DOC2B: variants seen among roughly 807,000 people sequenced by gnomAD.
The protein encoded by DOC2B is double C2-like domain-containing protein beta.
Under a neutral mutation model 28.9 loss-of-function variants are expected in DOC2B, and 21 were observed. The ratio of observed to expected loss-of-function variants is 0.73; its 90% confidence interval spans 0.52 to 1.05. The LOEUF is 1.05. Among genes scored for constraint, DOC2B ranks in the 50% least tolerant of loss-of-function variants. The pLI is 0.00. For missense variants in DOC2B, 384 were observed against 421.1 expected, an observed-to-expected ratio of 0.91 and a Z score of 0.77; for synonymous variants, 194 against 178.1, an observed-to-expected ratio of 1.09 and a Z score of -0.71.
At chr17:154,047 G>A (rs539675289) in intron 6 of DOC2B, among the ~76,000 whole-genome samples, 27 of 152,280 alleles carry the variant, frequency 1.8e-4, no homozygotes, top group African/African-American at 5.1e-4. Context: ...ACACGTGGCC[G>A]TCTGTGTCTG....
chr17:176,574 T>C (rs1371567882), intron 1 of DOC2B, among the ~76,000 whole-genome samples: 1 of 152,068 alleles, frequency 6.6e-6, no homozygotes, highest in Non-Finnish European at 1.5e-5. Context: ...CTTAGGAGGA[T>C]GCAACTAAGA....
At chr17:165,365 C>G (rs533800464) in intron 2 of DOC2B, among the ~76,000 whole-genome samples, 1 of 151,932 alleles carries the variant, frequency 6.6e-6, no homozygotes, top group Admixed American at 6.5e-5. Context: ...GCCTGTGGTT[C>G]CAGCAACTAG....
rs1023879350 is a variant in DOC2B, at chr17:147,391, C to T, written c.*50G>A. 26 of 398,812 alleles carry T rather than the reference C, an allele frequency of 6.5e-5. No homozygotes were observed. Among genetic ancestry groups the T allele is most frequent in the South Asian group, 3.8e-4 (3 of 7,884 alleles). 24.7% of individuals were successfully genotyped at this position (398,812 alleles called of 1,614,324 possible). A position where few individuals can be genotyped will look rare whatever the true frequency, so the allele number is the denominator to read the frequency against. On this transcript the variant is annotated 3_prime_UTR_variant, in exon 9 of 9. Coordinates refer to ENST00000613549, the MANE Select transcript of DOC2B (RefSeq NM_003585.5). ...GGTGGCTGCTGGGGAAGCCCGGGGC[C>T]GGCCGTGCTGGGCGCAGGTGGCGGC...
chr17:163,049 T>G (rs1198658363), intron 3 of DOC2B, among the ~76,000 whole-genome samples: 1 of 152,166 alleles, frequency 6.6e-6, no homozygotes, highest in African/African-American at 2.4e-5. Context: ...GGTTCCCCAC[T>G]GTGGAAAGGG....
rs150709028 is a variant in DOC2B at position 154,617 on chromosome 17, G to C, written c.923+1603C>G. On this transcript the variant is annotated intron_variant, in intron 6 of 8. Transcript: ENST00000613549. ...GATGGACATGTTTTTCTTATCTCTTGGGTATATAACAAGGAGTGGAATTGC... is the reference window on the plus strand; with the variant it reads ...GATGGACATGTTTTTCTTATCTCTTCGGTATATAACAAGGAGTGGAATTGC... 9.3e-3 allele frequency among the ~76,000 whole-genome samples: 1,414 copies of C among 152,268 alleles called. 19 individuals are homozygous for C. Among genetic ancestry groups the C allele is most frequent in the African/African-American group, 0.032 (1,344 of 41,544 alleles).
chr17:181,165 C>T lies in DOC2B; in HGVS notation c.315G>A (p.Pro105=). 1 of 1,251,880 alleles carries T rather than the reference C, an allele frequency of 8.0e-7. No individual in the cohort carries two copies. The highest frequency in any genetic ancestry group is 1.0e-6 in the Non-Finnish European group (1 of 999,184). The allele number at this position is 1,251,880 out of a possible 1,614,324, so 77.5% of individuals were successfully genotyped here. Residue 105 remains proline, a synonymous_variant, in exon 1 of 9, where the codon CCG becomes CCA. Transcript: ENST00000613549. The surrounding 1 kb of genome is among the most constrained non-coding windows in gnomAD (Gnocchi z 7.0). ...GPSPGPSPAR[P]PAKPPEDEPD... is the part of the protein sequence containing the mutation. The stretch of plus-strand genomic sequence containing the variant: ...GCTCGTCCTCCGGCGGCTTGGCTGG[C>T]GGCCGCGCGGGGCTGGGACCCGGGC...
chr17:181,005 G>T lies in DOC2B; in HGVS notation c.373+102C>A. The T allele has an allele frequency of 9.9e-7, 1 of 1,013,002 alleles. No homozygotes were observed. Among genetic ancestry groups the T allele is most frequent in the Non-Finnish European group, 1.3e-6 (1 of 794,860 alleles). The allele number at this position is 1,013,002 out of a possible 1,614,324, so 62.8% of individuals were successfully genotyped here. A position where few individuals can be genotyped will look rare whatever the true frequency, so the allele number is the denominator to read the frequency against. ...GCGGGGTTGTGAACCGAGGCAGAGCGCGAGCGCGCGAGGGGGACCGGCGGA... is the reference window on the plus strand; with the variant it reads ...GCGGGGTTGTGAACCGAGGCAGAGCTCGAGCGCGCGAGGGGGACCGGCGGA... On this transcript the variant is annotated intron_variant, in intron 1 of 8. Transcript: ENST00000613549. This position sits in a 1 kb window ranked among gnomAD's most constrained non-coding sequence, Gnocchi z 7.0.
chr17:169,187 C>A (rs1455101950), intron 2 of DOC2B, among the ~76,000 whole-genome samples: 1 of 152,068 alleles, frequency 6.6e-6, no homozygotes, highest in Admixed American at 6.6e-5. Flanking sequence ...GGGGATGAAG[C>A]CTGAAGACAT....
At chr17:175,957 T>C (rs2040365199) in intron 1 of DOC2B, among the ~76,000 whole-genome samples, 1 of 152,230 alleles carries the variant, frequency 6.6e-6, no homozygotes, top group African/African-American at 2.4e-5. Flanking sequence ...TTCTTTGAAC[T>C]CCACTGGAAG....
chr17:163,952 T>C (rs953650183), intron 3 of DOC2B, among the ~76,000 whole-genome samples, 178 bp downstream of exon 3: 6 of 152,176 alleles, frequency 3.9e-5, no homozygotes, highest in African/African-American at 1.4e-4. Flanking sequence ...GGGTGCTCTG[T>C]GTGCAGTTGA....
chr17:153,879 C>T (rs1482235642), intron 6 of DOC2B, among the ~76,000 whole-genome samples: 4 of 151,998 alleles, frequency 2.6e-5, no homozygotes, highest in African/African-American at 9.7e-5. Flanking sequence ...TATAATAATT[C>T]CTCTAGTTCA....
intron 4 of DOC2B, 42 bp downstream of exon 4, chr17:162,033 GGGAGTA>G: frequency 7.6e-7 from 1 of 1,320,734 alleles, no homozygotes; most frequent in Non-Finnish European, 1.1e-6. Flanking sequence ...AAAGCCGGGT[GGGAGTA>G]GGGGTTGGGG....
Position 145,179 on chromosome 17 carries a change from C to G in DOC2B, c.*2262G>C, listed in dbSNP as rs1303509802. 1.3e-5 allele frequency: 2 copies of G among 152,192 alleles called. No individual in the cohort carries two copies. Among genetic ancestry groups the G allele is most frequent in the African/African-American group, 4.8e-5 (2 of 41,398 alleles). The allele number at this position is 152,192 out of a possible 1,614,324, so 9.4% of individuals were successfully genotyped here. ...GAAGTAGCACGGATGGTTTCAAAGC[C>G]AGCGGATGAGGTGGCAGGACAGTGA... On this transcript the variant is annotated 3_prime_UTR_variant, in exon 9 of 9. Transcript: ENST00000613549.
chr17:153,339 T>C (rs1555521998), intron 6 of DOC2B, among the ~76,000 whole-genome samples: 1 of 152,236 alleles, frequency 6.6e-6, no homozygotes, highest in African/African-American at 2.4e-5. Flanking sequence ...CTCTGCTTTC[T>C]GGGCAACCCA....
intron 5 of DOC2B, among the ~76,000 whole-genome samples, chr17:159,482 G>A (rs1359763939): frequency 6.6e-6 from 1 of 152,208 alleles, no homozygotes; most frequent in Non-Finnish European, 1.5e-5. Context: ...AAATTAACCA[G>A]GCGTGGCGGC....
chr17:150,644 T>G (rs1555521719), intron 6 of DOC2B, among the ~76,000 whole-genome samples: 3 of 152,236 alleles, frequency 2.0e-5, no homozygotes, highest in African/African-American at 7.2e-5. Context: ...ACTGGTTTAT[T>G]ACAGAAGCAC....
At chr17:177,028 A>ATTTT (rs5818738) in intron 1 of DOC2B, among the ~76,000 whole-genome samples, 1 of 131,136 alleles carries the variant, frequency 7.6e-6, no homozygotes, top group African/African-American at 2.9e-5. Flanking sequence ...ATCTGCCCTG[A>ATTTT]TTTTTTTTTT....
chr17:180,821 C>A (rs1343023674), intron 1 of DOC2B, among the ~76,000 whole-genome samples: 2 of 151,900 alleles, frequency 1.3e-5, no homozygotes, highest in Non-Finnish European at 2.9e-5. Flanking sequence ...AGGGAGGGGG[C>A]GCGGCGCCGG....
In DOC2B at chr17:142,857, G is replaced by A. The variant is rs2039994479; in HGVS notation, c.*4584C>T. 1.3e-5 allele frequency: 2 copies of A among 152,164 alleles called. No individual in the cohort carries two copies. 9.4% of individuals were successfully genotyped at this position (152,164 alleles called of 1,614,324 possible). On this transcript the variant is annotated 3_prime_UTR_variant, in exon 9 of 9. Coordinates refer to ENST00000613549, the MANE Select transcript of DOC2B (RefSeq NM_003585.5). Reference sequence around the variant, plus strand: ...CCTAAAGAATGATGTACAATAAACTGTATTCAACAATTGATCAACATTTTC... The same window carrying A: ...CCTAAAGAATGATGTACAATAAACTATATTCAACAATTGATCAACATTTTC...
Sources: allele counts gnomAD v4.1 joint callset (sites outside exome capture counted in the v4.1 genomes callset), GRCh38; gene constraint gnomAD v4.1.1; non-coding constraint Gnocchi (gnomAD v3.1); transcripts MANE v1.5; gene names NCBI Gene and HGNC (gene_info 2026-07-23, HGNC 2026-07-21).